The following USO1 variants were observed in gnomAD, a reference collection of about 807,000 sequenced individuals.
USO1 encodes the protein USO1 vesicle transport factor, also known as general vesicular transport factor p115.
A neutral mutation model predicts 124.5 loss-of-function variants in USO1; 57 were observed. The observed-to-expected ratio is 0.46, with a 90% CI of 0.37 to 0.57. USO1 has a LOEUF of 0.57. Among genes scored for constraint, USO1 ranks in the 20% least tolerant of loss-of-function variants. USO1 has a pLI of 0.00. For synonymous variants in USO1, 369 were observed against 362.8 expected (o/e 1.02, Z -0.19); for missense variants, 900 against 1,040.6 (o/e 0.86, Z 1.86).
intron 18 of USO1, 26 bp downstream of exon 18, chr4:75,804,298 G>T (rs1023470082): frequency 1.9e-6 from 3 of 1,600,942 alleles, no homozygotes. Context: ...CCATCACTAT[G>T]ATAGCACTCA....
chr4:75,785,190 G>A (rs1053154751), intron 9 of USO1, among the ~76,000 whole-genome samples: 2 of 152,076 alleles, frequency 1.3e-5, no homozygotes, highest in Non-Finnish European at 2.9e-5. Context: ...TTCCTGTTGG[G>A]ACATACACAT....
rs1722382155 is a variant in USO1, at chr4:75,787,071, G to A, written c.865G>A (p.Val289Ile). 1 of 1,582,514 alleles carries A rather than the reference G, an allele frequency of 6.3e-7. No homozygotes were observed. The highest frequency in any genetic ancestry group is 8.5e-7 in the Non-Finnish European group (1 of 1,170,010). Residue 289 changes from valine (V) to isoleucine (I), a missense_variant, in exon 10 of 24, where the codon GTA (valine) becomes ATA (isoleucine). Physicochemically the swap from Val to Ile is conservative, Grantham distance 29. Around this residue, in one of 2 missense-constraint regions of USO1, gnomAD observed 538 missense variants for 681.6 expected, o/e 0.79. Coordinates refer to ENST00000514213, the MANE Select transcript of USO1 (RefSeq NM_003715.4). ...NLHLMLQLVR[V>I]LVSPTNPPGA... Reference sequence around the variant, plus strand: ...TCTCTTTCTTTCACAGCTTGTTCGTGTATTGGTATCTCCCACCAACCCTCC... The same window carrying A: ...TCTCTTTCTTTCACAGCTTGTTCGTATATTGGTATCTCCCACCAACCCTCC...
intron 1 of USO1, among the ~76,000 whole-genome samples, chr4:75,750,092 A>G (rs1721262074): frequency 6.6e-6 from 1 of 152,010 alleles, no homozygotes. Flanking sequence ...AAATATTTTC[A>G]CCCAGTCTGT....
At chr4:75,754,224 C>T (rs568836666) in intron 3 of USO1, among the ~76,000 whole-genome samples, 2 of 152,078 alleles carry the variant, frequency 1.3e-5, no homozygotes, top group African/African-American at 4.8e-5. Context: ...CCTGGGATTA[C>T]AGGCATGCGC....
intron 8 of USO1, among the ~76,000 whole-genome samples, chr4:75,775,101 G>A (rs1288567483): frequency 6.6e-6 from 1 of 152,238 alleles, no homozygotes; most frequent in East Asian, 1.9e-4. Context: ...TGCAGATTTG[G>A]TGATAGGGAG....
chr4:75,763,989 G>C (rs1219385282), intron 4 of USO1, among the ~76,000 whole-genome samples: 2 of 152,086 alleles, frequency 1.3e-5, no homozygotes, highest in South Asian at 2.1e-4. Context: ...TTAAAGTTCA[G>C]AAGTGCTGTC....
At chr4:75,801,344 A>G (rs560778227) in intron 17 of USO1, 144 bp downstream of exon 17, 3 of 975,504 alleles carry the variant, frequency 3.1e-6, no homozygotes, top group East Asian at 3.2e-5. Flanking sequence ...GTATTCAACA[A>G]ACAGAGTGCT....
At chr4:75,743,401 C>T (rs1330676708) in intron 1 of USO1, among the ~76,000 whole-genome samples, 2 of 152,174 alleles carry the variant, frequency 1.3e-5, no homozygotes, top group South Asian at 2.1e-4. Flanking sequence ...CCCTTACTCA[C>T]ACTTCCATCT....
At chr4:75,786,812 A>G (rs1002973054) in intron 9 of USO1, among the ~76,000 whole-genome samples, 13 of 152,196 alleles carry the variant, frequency 8.5e-5, no homozygotes, top group African/African-American at 2.9e-4. Context: ...GGGAAACAAA[A>G]ATGACCAAGG....
chr4:75,803,579 G>A (rs1722913907), intron 17 of USO1, among the ~76,000 whole-genome samples: 2 of 151,442 alleles, frequency 1.3e-5, no homozygotes, highest in Admixed American at 1.3e-4. Flanking sequence ...GAACCTTGGA[G>A]GCAGAGGTTG....
intron 1 of USO1, among the ~76,000 whole-genome samples, chr4:75,734,105 C>G (rs1720718328): frequency 6.6e-6 from 1 of 151,840 alleles, no homozygotes; most frequent in African/African-American, 2.4e-5. Flanking sequence ...ACCACCACAC[C>G]CAGATAATTT....
At chr4:75,759,325 G>A (rs1183896957) in intron 4 of USO1, among the ~76,000 whole-genome samples, 1 of 142,980 alleles carries the variant, frequency 7.0e-6, no homozygotes, top group Non-Finnish European at 1.5e-5. Flanking sequence ...TGGGCGCGGT[G>A]GCTCGCGCCT....
chr4:75,762,744 T>G (rs900993914), intron 4 of USO1, among the ~76,000 whole-genome samples: 1 of 149,592 alleles, frequency 6.7e-6, no homozygotes, highest in Admixed American at 6.6e-5. Flanking sequence ...CTGGCTAACA[T>G]GGTGAAACCC....
intron 1 of USO1, among the ~76,000 whole-genome samples, chr4:75,748,497 G>T (rs80213850): frequency 1.3e-5 from 2 of 152,126 alleles, no homozygotes; most frequent in South Asian, 2.1e-4. Flanking sequence ...CCATCCTCCA[G>T]TATTTCTAAA....
At chr4:75,747,375 C>G (rs1297469861) in intron 1 of USO1, among the ~76,000 whole-genome samples, 1 of 152,114 alleles carries the variant, frequency 6.6e-6, no homozygotes, top group African/African-American at 2.4e-5. Flanking sequence ...TCGGACTGCT[C>G]AAGCAGTCCT....
At position 75,800,738 on chromosome 4, in the gene USO1, T is replaced by C; in HGVS notation, c.1803T>C (p.Phe601=). The C allele has an allele frequency of 6.2e-7, 1 of 1,613,094 alleles. No individual in the cohort carries two copies. The highest frequency in any genetic ancestry group is 8.5e-7 in the Non-Finnish European group (1 of 1,179,666). ...CATCTCAGAAACCCCAGCCAAACTT[T>C]CCCAGTCCAGAATACATGATATTTG... ...SRASQKPQPN[F]PSPEYMIFDH... is the part of the protein sequence containing the mutation. Residue 601 remains phenylalanine, a synonymous_variant, in exon 16 of 24, where the codon TTT becomes TTC. Coordinates refer to ENST00000514213, the MANE Select transcript of USO1 (RefSeq NM_003715.4).
chr4:75,732,530 T>G (rs897912834), intron 1 of USO1, among the ~76,000 whole-genome samples: 6 of 152,164 alleles, frequency 3.9e-5, no homozygotes, highest in African/African-American at 1.4e-4. Context: ...CTTATTTCAT[T>G]AAAAACATTA....
chr4:75,743,141 T>C lies in USO1; in HGVS notation c.67-9232T>C, dbSNP rs1327120178. 3.3e-5 allele frequency among the ~76,000 whole-genome samples: 5 copies of C among 152,094 alleles called. No homozygotes were observed. The East Asian group carries it at 9.7e-4, about 29-fold the overall frequency. The stretch of plus-strand genomic sequence containing the variant: ...CTGGGACTACAGGCACCCACCACCA[T>C]GCCTGGCTAATTTTCTTGTATTTTT... On this transcript the variant is annotated intron_variant, in intron 1 of 23. Transcript: ENST00000514213.
chr4:75,728,559 A>G (rs1414848298), intron 1 of USO1, among the ~76,000 whole-genome samples: 1 of 152,186 alleles, frequency 6.6e-6, no homozygotes, highest in Non-Finnish European at 1.5e-5. Context: ...CTGAGGCAGG[A>G]GAATCGAGGC....
Sources: gnomAD v4.1 joint callset for allele counts (sites outside exome capture counted in the v4.1 genomes callset) on GRCh38, gnomAD v4.1.1 for gene constraint, gnomAD v4.1.1 regional missense constraint, MANE v1.5 for transcripts, NCBI Gene and HGNC (gene_info 2026-07-23, HGNC 2026-07-21) for gene names.